EPHA5: variants seen among roughly 807,000 people sequenced by gnomAD.
The protein encoded by EPHA5 is EPH receptor A5, also known as ephrin type-A receptor 5.
Under a neutral mutation model 105.0 loss-of-function variants are expected in EPHA5, and 60 were observed. The observed-to-expected ratio is 0.57, with a 90% confidence interval of 0.46 to 0.71. The LOEUF (loss-of-function observed/expected upper bound fraction) is 0.71, where lower values mean the gene tolerates loss of function less well. Ranked by LOEUF, EPHA5 falls within the 30% of genes least tolerant of loss-of-function variation. The pLI, the probability that EPHA5 is intolerant of heterozygous loss-of-function variation, is 0.00. For synonymous variants in EPHA5, 513 were observed against 449.1 expected, an observed-to-expected ratio of 1.14 and a Z score of -1.80; for missense variants, 1,218 against 1,274.7, an observed-to-expected ratio of 0.96 and a Z score of 0.68.
rs1721669427 is a variant in EPHA5, at chr4:65,400,124, TATTC to T, written c.1793+4246_1793+4249del. ...ACATTTAACTGGAAAACAGTGAAAA[TATTC>T]ATTGGTGAAAGACTGGTCAATTAAA... On this transcript the variant is annotated intron_variant, in intron 8 of 16. Coordinates refer to ENST00000613740, the MANE Select transcript of EPHA5 (RefSeq NM_001281766.3). Among the ~76,000 whole-genome samples, 4 of 152,178 alleles carry T rather than the reference TATTC, an allele frequency of 2.6e-5. No individual in the cohort carries two copies. In the South Asian group the frequency reaches 8.3e-4, roughly 32 times the overall value.
chr4:65,580,185 G>A (rs1481577675), intron 3 of EPHA5, among the ~76,000 whole-genome samples: 2 of 151,792 alleles, frequency 1.3e-5, no homozygotes, highest in Non-Finnish European at 2.9e-5. Flanking sequence ...CTTTAAAAAT[G>A]TTTAAGGACT....
chr4:65,544,457 C>G (rs1431217281), intron 3 of EPHA5, among the ~76,000 whole-genome samples: 2 of 151,770 alleles, frequency 1.3e-5, no homozygotes, highest in East Asian at 3.9e-4. Flanking sequence ...ATTTATGTGG[C>G]CAAGAAACAT....
Position 65,351,483 on chromosome 4 carries a change from T to C in EPHA5, c.2351A>G (p.Asn784Ser), listed in dbSNP as rs2148854790. 6 of 1,613,826 alleles carry C rather than the reference T, an allele frequency of 3.7e-6. No individual in the cohort carries two copies. Among genetic ancestry groups the C allele is most frequent in the Non-Finnish European group, 4.2e-6 (5 of 1,179,848 alleles). ...CACAAGGTTACTGTTGATTAAGATGTTTCTGGCAGCAAGATCTCTATGCAC... is the reference window on the plus strand; with the variant it reads ...CACAAGGTTACTGTTGATTAAGATGCTTCTGGCAGCAAGATCTCTATGCAC... Reference protein sequence around the residue: ...GYVHRDLAARNILINSNLVCK... With the variant: ...GYVHRDLAARSILINSNLVCK... The change falls in exon 13 of 17, where the codon AAC becomes AGC. Residue 784 changes from asparagine to serine, a missense_variant. By Grantham distance (46) the Asn-to-Ser change is conservative. This residue lies in a region of EPHA5 where 971 missense variants were observed against 1,013.5 expected (regional missense o/e 0.96). Coordinates refer to ENST00000613740, the MANE Select transcript of EPHA5 (RefSeq NM_001281766.3).
chr4:65,386,610 G>C (rs1477554803), intron 8 of EPHA5, among the ~76,000 whole-genome samples: 3 of 151,754 alleles, frequency 2.0e-5, no homozygotes, highest in African/African-American at 7.3e-5. Context: ...AAACATTCAT[G>C]ACAAAGATCA....
intron 3 of EPHA5, among the ~76,000 whole-genome samples, chr4:65,537,692 G>A (rs1288656495): frequency 6.6e-6 from 1 of 151,622 alleles, no homozygotes; most frequent in Admixed American, 6.6e-5. Flanking sequence ...GAAGGATTGA[G>A]AAATTATATA....
At chr4:65,486,863 G>C (rs1341564716) in intron 5 of EPHA5, among the ~76,000 whole-genome samples, 1 of 152,232 alleles carries the variant, frequency 6.6e-6, no homozygotes, top group Non-Finnish European at 1.5e-5. Flanking sequence ...AATTCCCAAT[G>C]TTGGAAGTGG....
chr4:65,412,317 T>C (rs1234347273), intron 7 of EPHA5, among the ~76,000 whole-genome samples: 1 of 152,172 alleles, frequency 6.6e-6, no homozygotes, highest in African/African-American at 2.4e-5. Context: ...GTATATTCCT[T>C]TTGTCTGGAG....
chr4:65,487,550 T>A (rs557748748), intron 5 of EPHA5, among the ~76,000 whole-genome samples: 24 of 152,140 alleles, frequency 1.6e-4, no homozygotes, highest in African/African-American at 5.8e-4. Flanking sequence ...GTTCAAGATA[T>A]TTTTCAGACA....
intron 8 of EPHA5, among the ~76,000 whole-genome samples, chr4:65,395,391 G>A (rs1408592177): frequency 6.6e-6 from 1 of 152,156 alleles, no homozygotes; most frequent in East Asian, 1.9e-4. Context: ...GTCCAAAAAT[G>A]TTTGTAATGG....
chr4:65,343,606 G>T lies in EPHA5; in HGVS notation c.2595+4448C>A, dbSNP rs187526980. ...TTCTCCAAAGAAATATTTAGTGATTGAAATCATTAAATATAGTTGATTTGT... is the reference window on the plus strand; with the variant it reads ...TTCTCCAAAGAAATATTTAGTGATTTAAATCATTAAATATAGTTGATTTGT... On this transcript the variant is annotated intron_variant, in intron 14 of 16. Transcript: ENST00000613740. Among the ~76,000 whole-genome samples the T allele has an allele frequency of 5.3e-3, 801 of 152,242 alleles. 12 individuals carry two copies. The highest frequency in any genetic ancestry group is 0.019 in the African/African-American group (771 of 41,534).
intron 2 of EPHA5, among the ~76,000 whole-genome samples, chr4:65,619,553 G>T (rs1327478505): frequency 6.6e-6 from 1 of 152,038 alleles, no homozygotes. Flanking sequence ...GATTTATGCA[G>T]CATGGTTTTA....
At chr4:65,379,401 C>A (rs934265698) in intron 8 of EPHA5, among the ~76,000 whole-genome samples, 8 of 151,418 alleles carry the variant, frequency 5.3e-5, no homozygotes, top group African/African-American at 1.9e-4. Flanking sequence ...AAACCTAGAA[C>A]CATATTAAAT....
chr4:65,500,318 T>C (rs952110148), intron 3 of EPHA5, among the ~76,000 whole-genome samples: 3 of 151,252 alleles, frequency 2.0e-5, no homozygotes, highest in Non-Finnish European at 4.4e-5. Flanking sequence ...CATGAGACTA[T>C]TGTGACAAAC....
intron 5 of EPHA5, 37 bp downstream of exon 5, chr4:65,490,340 G>T (rs779441558): frequency 6.4e-7 from 1 of 1,567,008 alleles, no homozygotes; most frequent in Non-Finnish European, 8.8e-7. Flanking sequence ...ACAGAACTAG[G>T]CCTCACATAC....
chr4:65,501,039 A>G (rs887791797), intron 3 of EPHA5, among the ~76,000 whole-genome samples: 1 of 151,422 alleles, frequency 6.6e-6, no homozygotes, highest in Non-Finnish European at 1.5e-5. Context: ...AGCTAAGCTA[A>G]GTGAATTATA....
chr4:65,599,785 A>C (rs991454187), intron 3 of EPHA5, among the ~76,000 whole-genome samples: 1 of 152,212 alleles, frequency 6.6e-6, no homozygotes, highest in Non-Finnish European at 1.5e-5. Context: ...TCAATTATTA[A>C]GAGAATAACA....
At chr4:65,476,119 A>AGTGTGTGTGT (rs772117051) in intron 5 of EPHA5, among the ~76,000 whole-genome samples, 54 of 126,846 alleles carry the variant, frequency 4.3e-4, no homozygotes, top group African/African-American at 1.5e-3. Context: ...AGAGAGAGAG[A>AGTGTGTGTGT]GAGAGAGAGT....
intron 3 of EPHA5, among the ~76,000 whole-genome samples, chr4:65,546,138 A>T (rs140248411): frequency 7.9e-5 from 12 of 152,126 alleles, no homozygotes; most frequent in Non-Finnish European, 1.8e-4. Flanking sequence ...ACTTTGGTGA[A>T]CATTTTAACT....
chr4:65,453,538 T>C (rs1396097477), intron 5 of EPHA5, among the ~76,000 whole-genome samples: 1 of 152,110 alleles, frequency 6.6e-6, no homozygotes, highest in Non-Finnish European at 1.5e-5. Flanking sequence ...GCTGGGTAAG[T>C]GGACTTAAGC....
Sources: gnomAD v4.1 joint callset for allele counts (sites outside exome capture counted in the v4.1 genomes callset) on GRCh38, gnomAD v4.1.1 for gene constraint, gnomAD v4.1.1 regional missense constraint, MANE v1.5 for transcripts, NCBI Gene and HGNC (gene_info 2026-07-23, HGNC 2026-07-21) for gene names.